The following CCP110 variants were observed in gnomAD, a reference collection of about 807,000 sequenced individuals.
The protein encoded by CCP110 is centriolar coiled-coil protein of 110 kDa.
CCP110 carries 43 observed loss-of-function variants against 105.5 expected under a neutral mutation model. That is an observed-to-expected ratio of 0.41 (90% CI 0.32 to 0.53). The LOEUF (loss-of-function observed/expected upper bound fraction) is 0.53. Ranked by LOEUF, CCP110 falls within the 20% of genes least tolerant of loss-of-function variation. The probability of loss-of-function intolerance (pLI) is 0.32; values close to 1 mark genes in which losing one functional copy is unlikely to be tolerated. For synonymous variants in CCP110, 353 were observed against 392.1 expected (o/e 0.90, Z 1.18); for missense variants, 1,016 against 1,189.1 (o/e 0.85, Z 2.14).
At chr16:19,539,798 A>T (rs531086447) in intron 4 of CCP110, among the ~76,000 whole-genome samples, 3 of 149,070 alleles carry the variant, frequency 2.0e-5, no homozygotes, top group South Asian at 4.2e-4. Context: ...CAGAGTGGAA[A>T]TTTCTTTTTT....
intron 4 of CCP110, 98 bp from the exon 5 acceptor site, chr16:19,540,559 A>G: frequency 1.0e-6 from 1 of 999,136 alleles, no homozygotes; most frequent in Non-Finnish European, 1.5e-6. Flanking sequence ...AGATCCAGGA[A>G]TACTCTCTTG....
intron 8 of CCP110, among the ~76,000 whole-genome samples, chr16:19,544,411 C>T (rs939240537): frequency 1.3e-5 from 2 of 152,084 alleles, no homozygotes; most frequent in African/African-American, 4.8e-5. Context: ...GTGGATTCAA[C>T]GAACCATGGA....
At chr16:19,526,193 G>C (rs1969666210) in intron 1 of CCP110, 1 of 152,144 alleles carries the variant, frequency 6.6e-6, no homozygotes, top group African/African-American at 2.4e-5. Context: ...ATAGCTCTAT[G>C]ATGTTGAAAG....
chr16:19,544,741 C>G, intron 8 of CCP110, 56 bp from the exon 9 acceptor site: 1 of 911,480 alleles, frequency 1.1e-6, no homozygotes, highest in Non-Finnish European at 1.8e-6. Context: ...AAGCAAACTC[C>G]AGTGATCACA....
chr16:19,553,384 A>G (rs989078272), exon 15 of CCP110: 3 of 152,226 alleles, frequency 2.0e-5, no homozygotes, highest in Admixed American at 6.5e-5. Context: ...CAAAAAGCAA[A>G]ATAAACTTTT....
In CCP110 at chr16:19,552,971, T is replaced by G. The variant is rs558316747; in HGVS notation, c.*1723T>G. The G allele has an allele frequency of 9.2e-5, 14 of 152,352 alleles. No individual in the cohort carries two copies. The South Asian group carries it at 2.7e-3, about 29-fold the overall frequency. 9.4% of individuals were successfully genotyped at this position (152,352 alleles called of 1,614,324 possible). On this transcript the variant is annotated 3_prime_UTR_variant, in exon 15 of 15. Coordinates refer to ENST00000381396, the Ensembl canonical transcript of CCP110. ...TTATAGGCAAAGTATCAAATTGTCT[T>G]CTTAATATGATAAACTGTGCTTTAT... is the stretch of plus-strand genomic sequence containing the variant.
rs1970337047 is a variant in CCP110 at position 19,542,896 on chromosome 16, C to T, written c.2386C>T (p.Gln796Ter). 1 of 1,610,460 alleles carries T rather than the reference C, an allele frequency of 6.2e-7. No homozygotes were observed. The highest frequency in any genetic ancestry group is 1.1e-5 in the South Asian group (1 of 90,942). The change falls in exon 8 of 15, where the codon CAA becomes TAA. Residue 796 changes from glutamine (Q) to a stop codon, truncating the protein, a stop_gained. Transcript: ENST00000381396. LOFTEE classifies it high-confidence loss of function. The stretch of plus-strand genomic sequence containing the variant: ...CTCCTAGGTTTTTAGTCTGGAAATA[C>T]AAGCAAAATTTAACAAAATAACTGC...
chr16:19,542,800 T>A, intron 7 of CCP110, 40 bp downstream of exon 7: 1 of 1,577,448 alleles, frequency 6.3e-7, no homozygotes, highest in East Asian at 2.2e-5. Context: ...TATCTATTTA[T>A]CTTTTCTTAA....
intron 12 of CCP110, 97 bp from the exon 13 acceptor site, chr16:19,547,858 C>A (rs1970513284): frequency 1.2e-6 from 1 of 856,514 alleles, no homozygotes; most frequent in Non-Finnish European, 2.0e-6. Context: ...CATAGTTGAC[C>A]TTTACCTTAC....
chr16:19,543,705 G>A (rs1970366581), intron 8 of CCP110, among the ~76,000 whole-genome samples: 1 of 152,142 alleles, frequency 6.6e-6, no homozygotes, highest in African/African-American at 2.4e-5. Context: ...CATCCCTGGG[G>A]GGAGGTATAT....
intron 2 of CCP110, 74 bp from the exon 3 acceptor site, chr16:19,532,338 ATCTT>A (rs1471691336): frequency 8.7e-6 from 11 of 1,264,218 alleles, no homozygotes; most frequent in Non-Finnish European, 9.7e-6. Flanking sequence ...CATGTTTTTA[ATCTT>A]TCTGATTCAC....
At chr16:19,550,442 C>T (rs1295882598) in intron 14 of CCP110, among the ~76,000 whole-genome samples, 5 of 152,166 alleles carry the variant, frequency 3.3e-5, no homozygotes, top group Admixed American at 6.5e-5. Context: ...TGTAAGCCAC[C>T]GCGTCCAGCC....
chr16:19,525,745 G>A (rs1969648052), intron 1 of CCP110: 1 of 152,552 alleles, frequency 6.6e-6, no homozygotes, highest in Non-Finnish European at 1.5e-5. Context: ...ATACTGTTCT[G>A]TGTAATGGGG....
At chr16:19,551,114 T>C (rs1016150964) in intron 14 of CCP110, 82 bp from the exon 14 acceptor site, 1 of 825,536 alleles carries the variant, frequency 1.2e-6, no homozygotes, top group African/African-American at 1.7e-5. Context: ...TCAGTGTTTG[T>C]TCCAGAGTAA....
In CCP110 at chr16:19,551,952, A is replaced by G. The variant is rs868484852; in HGVS notation, c.*704A>G. 2 of 152,218 alleles carry G rather than the reference A, an allele frequency of 1.3e-5. 1 individual carries two copies. Among genetic ancestry groups the G allele is most frequent in the Admixed American group, 1.3e-4 (2 of 15,276 alleles). 9.4% of individuals were successfully genotyped at this position (152,218 alleles called of 1,614,324 possible). ...TAAGATCTTTCTGTGACAGGTAACA[A>G]ATTTGGGGAAGACAGCACAATCTTC... is the stretch of plus-strand genomic sequence containing the variant. On this transcript the variant is annotated 3_prime_UTR_variant, in exon 15 of 15. Coordinates refer to ENST00000381396, the Ensembl canonical transcript of CCP110.
At chr16:19,551,403 A>G (rs149484031) in exon 15 of CCP110, 2 of 710,280 alleles carry the variant, frequency 2.8e-6, no homozygotes, top group Non-Finnish European at 5.1e-6. Context: ...CAGTTTGGTA[A>G]TTCCTGCTCC....
chr16:19,536,461 A>G (rs1970061953), exon 4 of CCP110: 1 of 1,614,058 alleles, frequency 6.2e-7, no homozygotes, highest in East Asian at 2.2e-5. Context: ...TAGACAAAGA[A>G]CATGATGCTG....
At chr16:19,538,388 C>G (rs1247351248) in intron 4 of CCP110, among the ~76,000 whole-genome samples, 1 of 140,424 alleles carries the variant, frequency 7.1e-6, no homozygotes, top group East Asian at 2.2e-4. Context: ...CACCTCACTG[C>G]AACCTCTGCT....
chr16:19,538,640 A>G (rs72767534), intron 4 of CCP110, among the ~76,000 whole-genome samples: 4,217 of 152,096 alleles, frequency 0.028, 77 homozygotes, highest in Non-Finnish European at 0.041. Flanking sequence ...CATCACTTAC[A>G]GTTTTAATTC....
Sources: allele counts gnomAD v4.1 joint callset (sites outside exome capture counted in the v4.1 genomes callset), GRCh38; gene constraint gnomAD v4.1.1; transcripts MANE v1.5; gene names NCBI Gene and HGNC (gene_info 2026-07-23, HGNC 2026-07-21).